Variants in RASA2 observed in about 807,000 individuals in gnomAD.
The protein encoded by RASA2 is ras GTPase-activating protein 2.
A neutral mutation model predicts 118.2 loss-of-function variants in RASA2; 155 were observed. That is an observed-to-expected ratio of 1.31 (90% CI 1.15 to 1.50). The LOEUF (loss-of-function observed/expected upper bound fraction) is 1.50. RASA2 is among the 40% of genes most tolerant of loss of function. The pLI is 0.00. For synonymous variants in RASA2, 353 were observed against 349.1 expected (o/e 1.01, Z -0.12); for missense variants, 1,016 against 1,009.6 (o/e 1.01, Z -0.09).
intron 4 of RASA2, among the ~76,000 whole-genome samples, chr3:141,538,175 A>G (rs2082356117): frequency 6.6e-6 from 1 of 152,192 alleles, no homozygotes; most frequent in African/African-American, 2.4e-5. Context: ...GATTACAGAT[A>G]TAAGTAAAAC....
intron 14 of RASA2, among the ~76,000 whole-genome samples, chr3:141,575,000 C>T (rs1443371215): frequency 6.6e-6 from 1 of 152,126 alleles, no homozygotes. Flanking sequence ...GTGTTACTGT[C>T]GCTGCTAATA....
chr3:141,557,967 T>G (rs1006523318), intron 7 of RASA2, among the ~76,000 whole-genome samples: 9 of 152,170 alleles, frequency 5.9e-5, no homozygotes, highest in African/African-American at 1.9e-4. Flanking sequence ...GTAGGGAGTT[T>G]ATGACTGAAA....
intron 5 of RASA2, among the ~76,000 whole-genome samples, chr3:141,551,253 C>G (rs2082570971): frequency 6.6e-6 from 1 of 152,146 alleles, no homozygotes; most frequent in Non-Finnish European, 1.5e-5. Flanking sequence ...TTACTTTTAA[C>G]TTTTGTTAAA....
intron 19 of RASA2, among the ~76,000 whole-genome samples, chr3:141,589,612 G>T (rs4334619): frequency 0.25 from 38,185 of 152,038 alleles, 5,391 homozygotes; most frequent in Non-Finnish European, 0.32. Flanking sequence ...GGAGGCTGAG[G>T]CAGGCGGATC....
At chr3:141,589,379 ATCT>A (rs1213195766) in intron 19 of RASA2, among the ~76,000 whole-genome samples, 2 of 152,176 alleles carry the variant, frequency 1.3e-5, no homozygotes, top group African/African-American at 2.4e-5. Context: ...TCGGTTTATA[ATCT>A]TCTTTAAGAA....
chr3:141,576,518 T>G (rs2083014387), intron 14 of RASA2, among the ~76,000 whole-genome samples: 1 of 152,234 alleles, frequency 6.6e-6, no homozygotes, highest in Non-Finnish European at 1.5e-5. Context: ...TATGGACTGT[T>G]GATAGCTTTT....
At chr3:141,573,810 G>C (rs2082962334) in intron 13 of RASA2, 134 bp from the exon 14 acceptor site, 1 of 646,760 alleles carries the variant, frequency 1.5e-6, no homozygotes, top group Middle Eastern at 4.9e-4. Context: ...GTTTGGAAAA[G>C]GGTAACAGTA....
intron 1 of RASA2, among the ~76,000 whole-genome samples, chr3:141,492,588 G>A (rs186936103): frequency 3.7e-4 from 57 of 152,292 alleles, no homozygotes; most frequent in African/African-American, 1.3e-3. Context: ...TGCTGAGCCC[G>A]TATTTCCTTA....
Position 141,586,705 on chromosome 3 carries a change from G to T in RASA2, c.1886G>T (p.Arg629Leu). The change falls in exon 19 of 24, where the codon CGA (arginine) becomes CTA (leucine). Residue 629 changes from arginine to leucine, a missense_variant. Transcript: ENST00000286364. ...TRIGKKNFKK[R>L]WFCLTSRELT... ...ATTGGAAAAAAGAATTTTAAGAAAC[G>T]ATGGTTCTGCTTAACAAGCAGAGAG... The T allele has an allele frequency of 6.2e-7, 1 of 1,613,688 alleles. No homozygotes were observed. Among genetic ancestry groups the T allele is most frequent in the Non-Finnish European group, 8.5e-7 (1 of 1,179,746 alleles).
chr3:141,492,308 T>C (rs1279631717), intron 1 of RASA2, among the ~76,000 whole-genome samples: 1 of 152,242 alleles, frequency 6.6e-6, no homozygotes, highest in Non-Finnish European at 1.5e-5. Flanking sequence ...TCAGATTACA[T>C]GTTTTTGCTA....
chr3:141,510,605 T>C (rs73869651), intron 1 of RASA2, among the ~76,000 whole-genome samples: 2,000 of 152,332 alleles, frequency 0.013, 33 homozygotes, highest in African/African-American at 0.046. Flanking sequence ...AGCAGAACTA[T>C]GTGCTTTAGA....
At chr3:141,584,195 G>T (rs2083161010) in intron 17 of RASA2, among the ~76,000 whole-genome samples, 1 of 151,900 alleles carries the variant, frequency 6.6e-6, no homozygotes, top group Non-Finnish European at 1.5e-5. Flanking sequence ...GCCGGGCATG[G>T]TGGCAGGCGC....
In RASA2 at chr3:141,503,496, G is replaced by A. The variant is rs1038483742; in HGVS notation, c.134-8667G>A. On this transcript the variant is annotated intron_variant, in intron 1 of 23. Coordinates refer to ENST00000286364, the MANE Select transcript of RASA2 (RefSeq NM_006506.5). ...TAATCTTAACAGTTTTGATTTGATG[G>A]TGTTTATCTTTCGCGCTTTAAACTA... Among the ~76,000 whole-genome samples the A allele has an allele frequency of 2.0e-5, 3 of 152,246 alleles. No homozygotes were observed. In the South Asian group the frequency reaches 6.2e-4, roughly 32 times the overall value.
At position 141,599,854 on chromosome 3, in the gene RASA2, G is replaced by A. The variant is rs114784796; in HGVS notation, c.1934-7824G>A. 3.8e-3 allele frequency among the ~76,000 whole-genome samples: 583 copies of A among 152,294 alleles called. 3 individuals carry two copies. The highest frequency in any genetic ancestry group is 0.013 in the African/African-American group (547 of 41,560). The stretch of plus-strand genomic sequence containing the variant: ...CTTATTGAAAGGAAACCCTCGAAGA[G>A]TAAGGGAGGGAATGTAGAAATTAAG... On this transcript the variant is annotated intron_variant, in intron 19 of 23. Coordinates refer to ENST00000286364, the MANE Select transcript of RASA2 (RefSeq NM_006506.5).
intron 9 of RASA2, among the ~76,000 whole-genome samples, chr3:141,570,087 CT>C (rs765302553): frequency 0.017 from 2,091 of 120,130 alleles, 18 homozygotes; most frequent in African/African-American, 0.041. Flanking sequence ...TGATAAAAAG[CT>C]TTTTTTTTTT....
At chr3:141,546,191 A>G (rs577626726) in intron 5 of RASA2, among the ~76,000 whole-genome samples, 38 of 152,274 alleles carry the variant, frequency 2.5e-4, no homozygotes, top group Non-Finnish European at 5.4e-4. Context: ...TCTTCAATAT[A>G]CTGATTCCCT....
chr3:141,496,067 A>G (rs541091903), intron 1 of RASA2, among the ~76,000 whole-genome samples: 3 of 152,368 alleles, frequency 2.0e-5, no homozygotes, highest in Middle Eastern at 3.4e-3. Context: ...GATTGCCTCA[A>G]TGGTGGATAA....
intron 5 of RASA2, among the ~76,000 whole-genome samples, chr3:141,550,012 A>T (rs1282596461): frequency 6.6e-6 from 1 of 152,248 alleles, no homozygotes; most frequent in Non-Finnish European, 1.5e-5. Flanking sequence ...TTAAAAACTC[A>T]AATACTTGGT....
chr3:141,579,914 G>A (rs982727634), intron 15 of RASA2, among the ~76,000 whole-genome samples: 10 of 151,234 alleles, frequency 6.6e-5, no homozygotes, highest in African/African-American at 2.4e-4. Flanking sequence ...AAATTAGCCA[G>A]GTGTGGTGTC....
Sources: allele counts gnomAD v4.1 joint callset (sites outside exome capture counted in the v4.1 genomes callset), GRCh38; gene constraint gnomAD v4.1.1; transcripts MANE v1.5; gene names NCBI Gene and HGNC (gene_info 2026-07-23, HGNC 2026-07-21).